Variants in PITPNM3 observed in about 807,000 individuals in gnomAD.
PITPNM3 encodes membrane-associated phosphatidylinositol transfer protein 3.
A neutral mutation model predicts 102.0 loss-of-function variants in PITPNM3; 26 were observed. The ratio of observed to expected loss-of-function variants is 0.25; its 90% CI spans 0.19 to 0.35. PITPNM3 has a LOEUF of 0.35. PITPNM3 is among the 10% of genes least tolerant of loss of function. PITPNM3 has a pLI of 1.00. For missense variants in PITPNM3, 1,083 were observed against 1,346.1 expected (o/e 0.80, Z 3.06); for synonymous variants, 578 against 558.6 (o/e 1.03, Z -0.49).
At chr17:6,467,988 T>C (rs558712166) in intron 14 of PITPNM3, among the ~76,000 whole-genome samples, 1 of 152,326 alleles carries the variant, frequency 6.6e-6, no homozygotes, top group South Asian at 2.1e-4. Flanking sequence ...CCAACCCTAG[T>C]GTCTTGGACT....
intron 4 of PITPNM3, among the ~76,000 whole-genome samples, chr17:6,489,480 AT>A (rs58969534): frequency 0.39 from 50,164 of 128,490 alleles, 8,567 homozygotes; most frequent in Middle Eastern, 0.49. Context: ...GTTTTTTTTT[AT>A]TTTTTTTTTG....
chr17:6,467,563 CCTT>C (rs1904849576), intron 14 of PITPNM3, among the ~76,000 whole-genome samples: 1 of 152,296 alleles, frequency 6.6e-6, no homozygotes, highest in East Asian at 1.9e-4. Context: ...GGATTGATCT[CCTT>C]CTACCTTTTA....
chr17:6,484,227 C>G lies in PITPNM3; in HGVS notation c.340G>C (p.Glu114Gln). The change falls in exon 5 of 20, where the codon GAA (glutamate) becomes CAA (glutamine). Residue 114 changes from glutamate (E) to glutamine (Q), a missense_variant. Physicochemically the swap from Glu to Gln is conservative, Grantham distance 29 (BLOSUM62 2). Around this residue, in one of 5 missense-constraint regions of PITPNM3, gnomAD observed 290 missense variants for 337.8 expected, o/e 0.86. Coordinates refer to ENST00000262483, the MANE Select transcript of PITPNM3 (RefSeq NM_031220.4). The part of the protein sequence containing the change: ...FPAQGSIEIH[E>Q]DSEEGCPQRS... ...GAAGCCCAGCCTACCTCGCTGTCTT[C>G]GTGGATCTCGATGCTTCCCTGGGCT... 1 of 1,610,112 alleles carries G rather than the reference C, an allele frequency of 6.2e-7. No individual in the cohort carries two copies. The highest frequency in any genetic ancestry group is 8.5e-7 in the Non-Finnish European group (1 of 1,176,430).
chr17:6,496,155 C>T (rs78218322), intron 4 of PITPNM3, among the ~76,000 whole-genome samples: 5,019 of 152,228 alleles, frequency 0.033, 291 homozygotes, highest in African/African-American at 0.11. Flanking sequence ...CCTCACTCAC[C>T]TGTGAATAAA....
Position 6,455,608 on chromosome 17 carries a change from C to A in PITPNM3, c.2655G>T (p.Ala885=). The A allele has an allele frequency of 1.3e-6, 2 of 1,576,190 alleles. No individual in the cohort carries two copies. Among genetic ancestry groups the A allele is most frequent in the Non-Finnish European group, 8.5e-7 (1 of 1,170,838 alleles). ...GGCGTGAGCGGTGGCTGGCCTCCAG[C>A]GCGGCCAGGTGTGCGGCGTAGCCCT... ...LSEGYAAHLA[A]LEASHRSRPK... The change falls in exon 20 of 20, where the codon GCG becomes GCT. Residue 885 remains alanine, a synonymous_variant. Coordinates refer to ENST00000262483, the MANE Select transcript of PITPNM3 (RefSeq NM_031220.4).
intron 4 of PITPNM3, among the ~76,000 whole-genome samples, chr17:6,492,604 C>A (rs1445613594): frequency 6.6e-6 from 1 of 152,122 alleles, no homozygotes; most frequent in Non-Finnish European, 1.5e-5. Flanking sequence ...CACCTATAAT[C>A]CCAGCACTTT....
intron 4 of PITPNM3, among the ~76,000 whole-genome samples, chr17:6,494,765 G>A (rs1567675726): frequency 6.6e-6 from 1 of 152,186 alleles, no homozygotes; most frequent in African/African-American, 2.4e-5. Flanking sequence ...CATTCAACAT[G>A]CAAAATGCCT....
chr17:6,502,338 A>AG (rs2150606521), intron 4 of PITPNM3, among the ~76,000 whole-genome samples: 1 of 152,310 alleles, frequency 6.6e-6, no homozygotes, highest in South Asian at 2.1e-4. Flanking sequence ...CTGTAATCCC[A>AG]GCCACTCAGG....
intron 1 of PITPNM3, among the ~76,000 whole-genome samples, chr17:6,552,985 T>C (rs1910400472): frequency 1.3e-5 from 2 of 151,808 alleles, no homozygotes; most frequent in Non-Finnish European, 2.9e-5. Context: ...TTAGCCAGGA[T>C]GGTCTCGATC....
At chr17:6,536,085 G>GAA (rs535769421) in intron 2 of PITPNM3, among the ~76,000 whole-genome samples, 1 of 133,684 alleles carries the variant, frequency 7.5e-6, no homozygotes, top group Non-Finnish European at 1.6e-5. Flanking sequence ...GAAAAAAAAA[G>GAA]AAAAAAAAAA....
rs376163278 is a variant in PITPNM3 at position 6,525,352 on chromosome 17, T to C, written c.226+4A>G. 3 of 1,613,556 alleles carry C rather than the reference T, an allele frequency of 1.9e-6. No homozygotes were observed. Among genetic ancestry groups the C allele is most frequent in the African/African-American group, 1.3e-5 (1 of 74,888 alleles). The stretch of plus-strand genomic sequence containing the variant: ...TCCTGGTCATGAGAGAAGCAGAGTC[T>C]CACCTTGATGCTCGTCCAGTTTCCC... On this transcript the variant is annotated splice_donor_region_variant and intron_variant, in intron 3 of 19. Coordinates refer to ENST00000262483, the MANE Select transcript of PITPNM3 (RefSeq NM_031220.4).
chr17:6,466,680 C>G (rs1014228663), intron 14 of PITPNM3, among the ~76,000 whole-genome samples: 1 of 152,162 alleles, frequency 6.6e-6, no homozygotes, highest in South Asian at 2.1e-4. Flanking sequence ...GGAAAACAGT[C>G]TGGCAGTTCC....
intron 6 of PITPNM3, chr17:6,481,900 A>AGAGAGT (rs1905721848): frequency 9.4e-6 from 1 of 106,564 alleles, no homozygotes; most frequent in Non-Finnish European, 1.8e-5. Context: ...AGAGAGAGAG[A>AGAGAGT]ATACATAGAT....
chr17:6,476,216 A>C (rs1476883778), intron 9 of PITPNM3, among the ~76,000 whole-genome samples: 1 of 152,208 alleles, frequency 6.6e-6, no homozygotes, highest in Non-Finnish European at 1.5e-5. Context: ...CTCTATGTTA[A>C]CAATGAGACT....
rs2150664559 is a variant in PITPNM3 at position 6,537,663 on chromosome 17, T to C, written c.118+324A>G. Among the ~76,000 whole-genome samples, 1 of 152,324 alleles carries C rather than the reference T, an allele frequency of 6.6e-6. No individual in the cohort carries two copies. Among genetic ancestry groups the C allele is most frequent in the East Asian group, 1.9e-4 (1 of 5,188 alleles). On this transcript the variant is annotated intron_variant, in intron 2 of 19. Transcript: ENST00000262483. This position sits in a 1 kb window ranked among gnomAD's most constrained non-coding sequence, Gnocchi z 4.4. ...ACTTAGTGGCGATGGTCCCCATTCG[T>C]CATTGTATTTTCTTGGATGTCTGCC...
intron 3 of PITPNM3, among the ~76,000 whole-genome samples, chr17:6,516,407 C>CA (rs1279084526): frequency 1.3e-5 from 2 of 150,406 alleles, no homozygotes; most frequent in Non-Finnish European, 3.0e-5. Flanking sequence ...ACTAAAAATA[C>CA]AAAAAAATTA....
chr17:6,554,542 A>G (rs776748496), intron 1 of PITPNM3, among the ~76,000 whole-genome samples: 56 of 152,096 alleles, frequency 3.7e-4, no homozygotes, highest in Non-Finnish European at 7.2e-4. Context: ...AAATGTTAGA[A>G]CAGCACAAGG....
intron 3 of PITPNM3, among the ~76,000 whole-genome samples, chr17:6,514,522 T>C (rs1908044225): frequency 6.6e-6 from 1 of 152,166 alleles, no homozygotes; most frequent in Non-Finnish European, 1.5e-5. Flanking sequence ...TCATTAGTCA[T>C]TAGAGAAATG....
chr17:6,483,790 G>A (rs1180229814), intron 5 of PITPNM3, 38 bp from the exon 6 acceptor site: 16 of 1,583,534 alleles, frequency 1.0e-5, no homozygotes, highest in Middle Eastern at 1.7e-4. Context: ...AGAGAGAGGC[G>A]GCTGGGGTCG....
Sources: gnomAD v4.1 joint callset for allele counts (sites outside exome capture counted in the v4.1 genomes callset) on GRCh38, gnomAD v4.1.1 for gene constraint, gnomAD v4.1.1 regional missense constraint, Gnocchi (gnomAD v3.1) non-coding constraint, MANE v1.5 for transcripts, NCBI Gene and HGNC (gene_info 2026-07-23, HGNC 2026-07-21) for gene names.